MYO16: variants seen among roughly 807,000 people sequenced by gnomAD.
The protein encoded by MYO16 is myosin XVI, also known as unconventional myosin-XVI.
A neutral mutation model predicts 205.3 loss-of-function variants in MYO16; 94 were observed. That is an observed-to-expected ratio of 0.46 (90% CI 0.39 to 0.54). The LOEUF (loss-of-function observed/expected upper bound fraction) is 0.54, where lower values mean the gene tolerates loss of function less well. Among genes scored for constraint, MYO16 ranks in the 20% least tolerant of loss-of-function variants. The probability of loss-of-function intolerance (pLI) is 0.00; values close to 1 mark genes in which losing one functional copy is unlikely to be tolerated. For synonymous variants in MYO16, 988 were observed against 954.0 expected, an observed-to-expected ratio of 1.04 and a Z score of -0.66; for missense variants, 2,315 against 2,387.5, an observed-to-expected ratio of 0.97 and a Z score of 0.63.
At chr13:108,917,028 GATGCAGAAACTCGAATGTGA>G (rs1881523570) in intron 16 of MYO16, among the ~76,000 whole-genome samples, 8 of 626 alleles carry the variant, frequency 0.013, no homozygotes, top group Non-Finnish European at 0.024. Context: ...AGGAATGTGA[GATGCAGAAACTCGAATGTGA>G]GATGCAGAAA....
chr13:108,959,395 A>G (rs1379074608), intron 17 of MYO16, among the ~76,000 whole-genome samples: 5 of 152,218 alleles, frequency 3.3e-5, no homozygotes, highest in African/African-American at 1.2e-4. Context: ...TTCTGCCAAA[A>G]TATCAGTTGC....
intron 1 of MYO16, among the ~76,000 whole-genome samples, chr13:108,609,357 C>G (rs561200434): frequency 6.6e-6 from 1 of 152,220 alleles, no homozygotes; most frequent in Non-Finnish European, 1.5e-5. Flanking sequence ...TGGGCCACCA[C>G]GGTTCCTTAA....
At chr13:109,013,236 G>A (rs561088075) in intron 22 of MYO16, among the ~76,000 whole-genome samples, 13 of 151,236 alleles carry the variant, frequency 8.6e-5, no homozygotes, top group African/African-American at 2.9e-4. Context: ...CTGTCCTTGC[G>A]ATAGTTTGCT....
the MYO16 span, among the ~76,000 whole-genome samples, chr13:108,531,028 GT>G: frequency 6.2e-4 from 94 of 152,082 alleles, no homozygotes; most frequent in Non-Finnish European, 1.2e-3. Flanking sequence ...GGTTTAGAAA[GT>G]ATTCAGTCAT....
intron 23 of MYO16, among the ~76,000 whole-genome samples, chr13:109,033,988 G>T (rs1375061329): frequency 1.3e-5 from 2 of 152,142 alleles, no homozygotes; most frequent in Non-Finnish European, 2.9e-5. Context: ...GGAAGGCCAG[G>T]CTGAGAACCC....
chr13:108,607,486 A>C (rs1879003606), intron 1 of MYO16, among the ~76,000 whole-genome samples: 1 of 152,068 alleles, frequency 6.6e-6, no homozygotes, highest in South Asian at 2.1e-4. Context: ...TTCTTTTAGC[A>C]CTTCTCCTGT....
chr13:109,175,941 T>C (rs1879152346), intron 33 of MYO16, among the ~76,000 whole-genome samples: 1 of 151,132 alleles, frequency 6.6e-6, no homozygotes. Context: ...CGTGAGAAAA[T>C]CCTTGCTATG....
intron 1 of MYO16, among the ~76,000 whole-genome samples, chr13:108,630,209 A>T (rs1418743802): frequency 6.6e-6 from 1 of 152,018 alleles, no homozygotes; most frequent in Admixed American, 6.6e-5. Context: ...TCATTGGCAC[A>T]TGTTAATAAA....
intron 34 of MYO16, among the ~76,000 whole-genome samples, chr13:109,182,069 C>T (rs1475686950): frequency 6.6e-6 from 1 of 152,080 alleles, no homozygotes; most frequent in Non-Finnish European, 1.5e-5. Flanking sequence ...CCGTCCGCCT[C>T]GGCCTCCCAA....
At chr13:108,508,036 C>T in the MYO16 span, among the ~76,000 whole-genome samples, 1 of 151,744 alleles carries the variant, frequency 6.6e-6, no homozygotes, top group African/African-American at 2.4e-5. Context: ...TTTGTTCACA[C>T]ATAGGTTTCT....
chr13:108,593,957 A>T (rs2139288103), upstream of MYO16, among the ~76,000 whole-genome samples: 1 of 152,298 alleles, frequency 6.6e-6, no homozygotes, highest in East Asian at 1.9e-4. Context: ...ACTGAACATA[A>T]ACAATTTTTC....
intron 2 of MYO16, among the ~76,000 whole-genome samples, chr13:108,708,911 A>G (rs1372587004): frequency 1.3e-5 from 2 of 152,208 alleles, no homozygotes; most frequent in Non-Finnish European, 2.9e-5. Context: ...AGCAAATTTT[A>G]TGATATATTT....
intron 4 of MYO16, among the ~76,000 whole-genome samples, chr13:108,772,929 C>G (rs1015157822): frequency 1.3e-5 from 2 of 152,044 alleles, no homozygotes; most frequent in Non-Finnish European, 2.9e-5. Context: ...GCTGTTATAA[C>G]AAAACACTAT....
chr13:109,071,720 T>A (rs1381665423), intron 27 of MYO16, among the ~76,000 whole-genome samples: 1 of 152,166 alleles, frequency 6.6e-6, no homozygotes, highest in Non-Finnish European at 1.5e-5. Flanking sequence ...TACTTTTTTT[T>A]AATTAACGAT....
intron 27 of MYO16, among the ~76,000 whole-genome samples, chr13:109,061,946 A>G (rs941361999): frequency 1.4e-4 from 22 of 152,250 alleles, no homozygotes; most frequent in African/African-American, 5.1e-4. Flanking sequence ...TAGATCTGTG[A>G]CATCAAAGAT....
intron 16 of MYO16, among the ~76,000 whole-genome samples, chr13:108,922,417 C>T (rs1041156873): frequency 6.6e-6 from 1 of 152,128 alleles, no homozygotes; most frequent in African/African-American, 2.4e-5. Flanking sequence ...AGGCAGCAAT[C>T]GAACACTTCT....
chr13:109,052,894 T>C (rs1479713563), intron 25 of MYO16, among the ~76,000 whole-genome samples: 26 of 152,156 alleles, frequency 1.7e-4, no homozygotes, highest in Non-Finnish European at 1.5e-5. Context: ...ACGTAGGGTG[T>C]TGTTCAGGTG....
chr13:108,630,059 C>T (rs1346800618), intron 1 of MYO16, among the ~76,000 whole-genome samples, 187 bp downstream of exon 1: 2 of 151,414 alleles, frequency 1.3e-5, no homozygotes, highest in Non-Finnish European at 2.9e-5. Flanking sequence ...TGAAATAATT[C>T]CAGTGTGATC....
intron 15 of MYO16, among the ~76,000 whole-genome samples, chr13:108,908,009 G>A (rs1881075192): frequency 6.6e-6 from 1 of 152,030 alleles, no homozygotes; most frequent in Non-Finnish European, 1.5e-5. Context: ...ATTAATTCAA[G>A]ATGAATATTA....
Sources: gnomAD v4.1 joint callset for allele counts (sites outside exome capture counted in the v4.1 genomes callset) on GRCh38, gnomAD v4.1.1 for gene constraint, MANE v1.5 for transcripts, NCBI Gene and HGNC (gene_info 2026-07-23, HGNC 2026-07-21) for gene names.